FOXK1: variants seen among roughly 807,000 people sequenced by gnomAD.
The protein encoded by FOXK1 is forkhead box protein K1.
A neutral mutation model predicts 51.9 loss-of-function variants in FOXK1; 19 were observed. The observed-to-expected ratio is 0.37, with a 90% CI of 0.26 to 0.54. The LOEUF (loss-of-function observed/expected upper bound fraction) is 0.54, where lower values mean the gene tolerates loss of function less well. Ranked by LOEUF, FOXK1 falls within the 20% of genes least tolerant of loss-of-function variation. The probability of loss-of-function intolerance (pLI) is 0.87; values close to 1 mark genes in which losing one functional copy is unlikely to be tolerated. For synonymous variants in FOXK1, 537 were observed against 482.6 expected, an observed-to-expected ratio of 1.11 and a Z score of -1.48; for missense variants, 870 against 1,032.7, an observed-to-expected ratio of 0.84 and a Z score of 2.16.
In FOXK1 at chr7:4,749,023, G is replaced by T. The variant is rs1780742106; in HGVS notation, c.747-5436G>T. On this transcript the variant is annotated intron_variant, in intron 2 of 8. Transcript: ENST00000328914. This position sits in a 1 kb window ranked among gnomAD's most constrained non-coding sequence, Gnocchi z 6.0. ...CTTCTGGGACTGGCTGTGCCTGGCG[G>T]GCCTCTGAGCTGAGTCTCTCATGCC... 6.6e-6 allele frequency among the ~76,000 whole-genome samples: 1 copy of T among 152,126 alleles called. No homozygotes were observed. Among genetic ancestry groups the T allele is most frequent in the African/African-American group, 2.4e-5 (1 of 41,432 alleles).
At position 4,747,299 on chromosome 7, in the gene FOXK1, G is replaced by A. The variant is rs1051275248; in HGVS notation, c.746+6276G>A. Among the ~76,000 whole-genome samples, 4 of 152,112 alleles carry A rather than the reference G, an allele frequency of 2.6e-5. No individual in the cohort carries two copies. The highest frequency in any genetic ancestry group is 5.9e-5 in the Non-Finnish European group (4 of 68,014). On this transcript the variant is annotated intron_variant, in intron 2 of 8. Transcript: ENST00000328914. This position sits in a 1 kb window ranked among gnomAD's most constrained non-coding sequence, Gnocchi z 9.2. The stretch of plus-strand genomic sequence containing the variant: ...CCATGAGCCTCAGGGGAAGCAGGAG[G>A]CGCCTGCAGACACGGAGCTGACCCC...
chr7:4,704,450 C>CAAAAAAAAA (rs3050383), intron 1 of FOXK1, among the ~76,000 whole-genome samples: 1 of 66,474 alleles, frequency 1.5e-5, no homozygotes, highest in African/African-American at 5.2e-5. Flanking sequence ...GACTCTGTCT[C>CAAAAAAAAA]AAAAAAAAAA....
In FOXK1 at chr7:4,740,886, G is replaced by T. The variant is rs763587560; in HGVS notation, c.609G>T (p.Ser203=). The T allele has an allele frequency of 2.5e-6, 4 of 1,594,480 alleles. No individual in the cohort carries two copies. Among genetic ancestry groups the T allele is most frequent in the Non-Finnish European group, 2.6e-6 (3 of 1,171,698 alleles). ...PSTAIKIQFT[S]LYHKEEAPAS... ...CGGCCATCAAGATCCAGTTCACGTC[G>T]CTCTATCACAAAGAAGAGGCCCCAG... Residue 203 remains serine (S), a synonymous_variant, in exon 2 of 9, where the codon TCG becomes TCT. Transcript: ENST00000328914.
At position 4,709,796 on chromosome 7, in the gene FOXK1, C is replaced by T. The variant is rs776961830; in HGVS notation, c.560+26928C>T. Among the ~76,000 whole-genome samples, 11 of 152,176 alleles carry T rather than the reference C, an allele frequency of 7.2e-5. No individual in the cohort carries two copies. The highest frequency in any genetic ancestry group is 1.7e-4 in the African/African-American group (7 of 41,432). On this transcript the variant is annotated intron_variant, in intron 1 of 8. Transcript: ENST00000328914. The surrounding 1 kb of genome is among the most constrained non-coding windows in gnomAD (Gnocchi z 5.6). ...CCTCACGATGTGCTGTCCGTCTTCT[C>T]GCTGTTCAGCCAGCAGTTCACTGTC...
rs376415791 is a variant in FOXK1 at position 4,749,980 on chromosome 7, C to A, written c.747-4479C>A. ...TCCCAGTGGCACCTTCTAGGCCCGG[C>A]CCCTGGATGCGGTGGAGGCTGCCCG... is the stretch of plus-strand genomic sequence containing the variant. On this transcript the variant is annotated intron_variant, in intron 2 of 8. Coordinates refer to ENST00000328914, the MANE Select transcript of FOXK1 (RefSeq NM_001037165.2). This position sits in a 1 kb window ranked among gnomAD's most constrained non-coding sequence, Gnocchi z 6.0. 6.6e-6 allele frequency among the ~76,000 whole-genome samples: 1 copy of A among 152,344 alleles called. No individual in the cohort carries two copies. The highest frequency in any genetic ancestry group is 2.4e-5 in the African/African-American group (1 of 41,578).
intron 1 of FOXK1, among the ~76,000 whole-genome samples, chr7:4,697,339 G>A (rs945575364): frequency 1.3e-5 from 2 of 152,218 alleles, no homozygotes; most frequent in African/African-American, 2.4e-5. Context: ...ACAGCTAGCC[G>A]GTATTCACGG....
intron 1 of FOXK1, among the ~76,000 whole-genome samples, chr7:4,705,554 T>TCGCTCTCGCTCTCGCTCTCG (rs1554249287): frequency 6.8e-5 from 9 of 131,512 alleles, no homozygotes; most frequent in African/African-American, 2.5e-4. Context: ...TCTCTCTCTC[T>TCGCTCTCGCTCTCGCTCTCG]CTCTCGCTCT....
intron 1 of FOXK1, among the ~76,000 whole-genome samples, chr7:4,704,786 C>CAAACTCCT (rs896850058): frequency 6.7e-6 from 1 of 150,164 alleles, no homozygotes; most frequent in Non-Finnish European, 1.5e-5. Flanking sequence ...AGGCTGGTCT[C>CAAACTCCT]AAACTCCTGG....
At chr7:4,716,517 G>C (rs1414823547) in intron 1 of FOXK1, among the ~76,000 whole-genome samples, 2 of 152,102 alleles carry the variant, frequency 1.3e-5, no homozygotes, top group African/African-American at 4.8e-5. Context: ...CAAAAAAAAA[G>C]AGAAAAGAAA....
At position 4,749,217 on chromosome 7, in the gene FOXK1, C is replaced by T. The variant is rs375337440; in HGVS notation, c.747-5242C>T. Among the ~76,000 whole-genome samples, 13 of 152,184 alleles carry T rather than the reference C, an allele frequency of 8.5e-5. No homozygotes were observed. Among genetic ancestry groups the T allele is most frequent in the African/African-American group, 1.9e-4 (8 of 41,444 alleles). ...TGCTGTTCTTACTGTCCTACAGAGA[C>T]GGCATCGTTACCTCCCTAGGGACGG... On this transcript the variant is annotated intron_variant, in intron 2 of 8. Transcript: ENST00000328914. The surrounding 1 kb of genome is among the most constrained non-coding windows in gnomAD (Gnocchi z 6.0).
intron 1 of FOXK1, among the ~76,000 whole-genome samples, chr7:4,697,009 A>G (rs1779962015): frequency 6.6e-6 from 1 of 152,162 alleles, no homozygotes; most frequent in African/African-American, 2.4e-5. Flanking sequence ...CGGAGGTTGC[A>G]GTGAGCCGAG....
chr7:4,750,574 C>T (rs972724516), intron 2 of FOXK1, among the ~76,000 whole-genome samples: 1 of 151,924 alleles, frequency 6.6e-6, no homozygotes, highest in Admixed American at 6.6e-5. Context: ...TCCCAAGTAG[C>T]TGGGACTACA....
At chr7:4,739,642 C>T (rs1161316560) in intron 1 of FOXK1, among the ~76,000 whole-genome samples, 1 of 152,158 alleles carries the variant, frequency 6.6e-6, no homozygotes, top group Admixed American at 6.5e-5. Context: ...GTAGAAAAAC[C>T]GAGGCTCACG....
rs756758176 is a variant in FOXK1, at chr7:4,755,201, G to T, written c.904-36G>T. On this transcript the variant is annotated intron_variant, in intron 3 of 8. Transcript: ENST00000328914. The surrounding 1 kb of genome is among the most constrained non-coding windows in gnomAD (Gnocchi z 6.6). The stretch of plus-strand genomic sequence containing the variant: ...TGGGTGGGGTAGACTCAGGGACCTT[G>T]CTGGAGCTCATCCCGTGAGCCGTGT... The T allele has an allele frequency of 6.2e-7, 1 of 1,609,000 alleles. No homozygotes were observed. The highest frequency in any genetic ancestry group is 1.1e-5 in the South Asian group (1 of 90,828).
intron 2 of FOXK1, among the ~76,000 whole-genome samples, chr7:4,751,466 C>G (rs1408998015): frequency 2.0e-5 from 3 of 152,198 alleles, no homozygotes; most frequent in East Asian, 3.9e-4. Context: ...GGTGTCCCAT[C>G]CCACCCTGGC....
intron 1 of FOXK1, among the ~76,000 whole-genome samples, chr7:4,712,931 G>A (rs1780192630): frequency 6.6e-6 from 1 of 152,162 alleles, no homozygotes; most frequent in Non-Finnish European, 1.5e-5. Flanking sequence ...CGTGCTCAGA[G>A]CTCTGTGACT....
In FOXK1 at chr7:4,749,031, A is replaced by G. The variant is rs2115066475; in HGVS notation, c.747-5428A>G. ...ACTGGCTGTGCCTGGCGGGCCTCTG[A>G]GCTGAGTCTCTCATGCCTCTCCTTT... On this transcript the variant is annotated intron_variant, in intron 2 of 8. Transcript: ENST00000328914. The surrounding 1 kb of genome is among the most constrained non-coding windows in gnomAD (Gnocchi z 6.0). Among the ~76,000 whole-genome samples the G allele has an allele frequency of 6.6e-6, 1 of 152,244 alleles. No homozygotes were observed. The highest frequency in any genetic ancestry group is 3.4e-3 in the Middle Eastern group (1 of 294).
intron 1 of FOXK1, among the ~76,000 whole-genome samples, chr7:4,700,722 G>A (rs946562193): frequency 5.3e-5 from 8 of 151,960 alleles, no homozygotes; most frequent in African/African-American, 1.9e-4. Context: ...AGGCTGAGGG[G>A]GAAGGATCCC....
chr7:4,744,867 AAGTT>A (rs1219603391), intron 2 of FOXK1, among the ~76,000 whole-genome samples: 1 of 152,262 alleles, frequency 6.6e-6, no homozygotes, highest in East Asian at 1.9e-4. Context: ...AGAAAGTAGT[AAGTT>A]AGGGACTGGC....
Sources: allele counts gnomAD v4.1 joint callset (sites outside exome capture counted in the v4.1 genomes callset), GRCh38; gene constraint gnomAD v4.1.1; non-coding constraint Gnocchi (gnomAD v3.1); transcripts MANE v1.5; gene names NCBI Gene and HGNC (gene_info 2026-07-23, HGNC 2026-07-21).